Variants in ADAMTS17 observed in about 807,000 individuals in gnomAD.
ADAMTS17 encodes the protein ADAM metallopeptidase with thrombospondin type 1 motif 17.
A neutral mutation model predicts 141.5 loss-of-function variants in ADAMTS17; 113 were observed. The ratio of observed to expected loss-of-function variants is 0.80; its 90% CI spans 0.69 to 0.93. The LOEUF (loss-of-function observed/expected upper bound fraction) is 0.93, where lower values mean the gene tolerates loss of function less well. ADAMTS17 is among the 40% of genes least tolerant of loss of function. The probability of loss-of-function intolerance (pLI) is 0.00; values close to 1 mark genes in which losing one functional copy is unlikely to be tolerated. For synonymous variants in ADAMTS17, 768 were observed against 630.6 expected (o/e 1.22, Z -3.27); for missense variants, 1,659 against 1,517.9 (o/e 1.09, Z -1.54).
Position 100,096,341 on chromosome 15 carries a change from TG to T in ADAMTS17, c.2137+14del. The T allele has an allele frequency of 1.9e-6, 3 of 1,612,986 alleles. No homozygotes were observed. The highest frequency in any genetic ancestry group is 2.5e-6 in the Non-Finnish European group (3 of 1,180,002). On this transcript the variant is annotated intron_variant, in intron 15 of 21. Coordinates refer to ENST00000268070, the MANE Select transcript of ADAMTS17 (RefSeq NM_139057.4). ...AAACACTGTAGCCACAGCAGCCCCA[TG>T]GGCCAACACTCACCTGTCCCCCGGG...
chr15:100,208,808 C>A (rs1319807029), intron 7 of ADAMTS17, among the ~76,000 whole-genome samples: 1 of 151,928 alleles, frequency 6.6e-6, no homozygotes, highest in Admixed American at 6.5e-5. Context: ...GGTCACTGGA[C>A]AATTTAGATA....
intron 11 of ADAMTS17, 74 bp downstream of exon 11, chr15:100,133,140 T>C: frequency 1.5e-6 from 2 of 1,376,210 alleles, no homozygotes; most frequent in South Asian, 2.5e-5. Context: ...GTACAGATTG[T>C]GTGTCAGAAG....
At chr15:100,038,751 C>A (rs2030983911) in intron 18 of ADAMTS17, among the ~76,000 whole-genome samples, 1 of 152,156 alleles carries the variant, frequency 6.6e-6, no homozygotes, top group Non-Finnish European at 1.5e-5. Context: ...AAGATCATGT[C>A]ATTTGTAAAT....
At chr15:100,045,459 A>G (rs529156847) in intron 18 of ADAMTS17, among the ~76,000 whole-genome samples, 1 of 152,278 alleles carries the variant, frequency 6.6e-6, no homozygotes, top group African/African-American at 2.4e-5. Flanking sequence ...GCTGGAATAA[A>G]ACTCCAGGCA....
Position 100,114,242 on chromosome 15 carries a change from G to A in ADAMTS17, c.1888+2605C>T, listed in dbSNP as rs144099012. Among the ~76,000 whole-genome samples the A allele has an allele frequency of 3.7e-3, 562 of 150,332 alleles. 3 individuals carry two copies. The highest frequency in any genetic ancestry group is 0.014 in the Middle Eastern group (4 of 288). On this transcript the variant is annotated intron_variant, in intron 13 of 21. Transcript: ENST00000268070. ...CCTTCTTTTGAACTGTGCGTCACTC[G>A]CCAAAGAATTCCGCAGCGATAGCAC...
chr15:99,997,372 C>T lies in ADAMTS17; in HGVS notation c.2796+13G>A. ...CCTGTGGCTGAGTCCTGGTGGCAAGCCCAGGCACCCACCTGTGACCACTCA... is the reference window on the plus strand; with the variant it reads ...CCTGTGGCTGAGTCCTGGTGGCAAGTCCAGGCACCCACCTGTGACCACTCA... On this transcript the variant is annotated intron_variant, in intron 19 of 21. Coordinates refer to ENST00000268070, the MANE Select transcript of ADAMTS17 (RefSeq NM_139057.4). This position sits in a 1 kb window ranked among gnomAD's most constrained non-coding sequence, Gnocchi z 4.7. 1.9e-6 allele frequency: 3 copies of T among 1,613,554 alleles called. No homozygotes were observed. The highest frequency in any genetic ancestry group is 1.7e-6 in the Non-Finnish European group (2 of 1,179,998).
intron 6 of ADAMTS17, among the ~76,000 whole-genome samples, chr15:100,259,011 T>TGAAAA (rs61623713): frequency 0.28 from 42,123 of 151,846 alleles, 7,510 homozygotes; most frequent in African/African-American, 0.51. Context: ...CTCCACTCAA[T>TGAAAA]GAAACAGCAG....
At chr15:100,234,551 G>A (rs2042594342) in intron 7 of ADAMTS17, among the ~76,000 whole-genome samples, 4 of 152,192 alleles carry the variant, frequency 2.6e-5, no homozygotes, top group East Asian at 1.9e-4. Flanking sequence ...CACAGGGTGC[G>A]CAAAGCTGGG....
At position 100,172,912 on chromosome 15, in the gene ADAMTS17, G is replaced by A. The variant is rs1232767908; in HGVS notation, c.1182-17592C>T. Reference sequence around the variant, plus strand: ...CCGAGGAACAAGTATTTCTAACAAAGGAACAAGCATTCTGTTTCCAACATC... The same window carrying A: ...CCGAGGAACAAGTATTTCTAACAAAAGAACAAGCATTCTGTTTCCAACATC... On this transcript the variant is annotated intron_variant, in intron 8 of 21. Coordinates refer to ENST00000268070, the MANE Select transcript of ADAMTS17 (RefSeq NM_139057.4). 2.6e-5 allele frequency among the ~76,000 whole-genome samples: 4 copies of A among 152,214 alleles called. No individual in the cohort carries two copies. The East Asian group carries it at 5.8e-4, about 22-fold the overall frequency.
rs111450092 is a variant in ADAMTS17 at position 100,330,477 on chromosome 15, G to A, written c.616+412C>T. 1.6e-3 allele frequency among the ~76,000 whole-genome samples: 246 copies of A among 152,224 alleles called. 1 individual carries two copies. Among genetic ancestry groups the A allele is most frequent in the African/African-American group, 5.5e-3 (228 of 41,514 alleles). On this transcript the variant is annotated intron_variant, in intron 3 of 21. Transcript: ENST00000268070. ...GGCCACACTGTAAGAATCGAGAATC[G>A]AATCACAGCTTCAGAGGCGCCCCAG... is the stretch of plus-strand genomic sequence containing the variant.
intron 15 of ADAMTS17, among the ~76,000 whole-genome samples, chr15:100,066,188 G>A (rs922905860): frequency 4.6e-5 from 7 of 152,070 alleles, no homozygotes; most frequent in East Asian, 1.9e-4. Context: ...ATAAACACAC[G>A]TGGGGACATT....
rs115855895 is a variant in ADAMTS17, at chr15:100,328,852, G to C, written c.616+2037C>G. ...GACCATGGACTAGAGTCTGATGAACGGTGGCGTGAGCAGAGAGAACAGTGA... is the reference window on the plus strand; with the variant it reads ...GACCATGGACTAGAGTCTGATGAACCGTGGCGTGAGCAGAGAGAACAGTGA... On this transcript the variant is annotated intron_variant, in intron 3 of 21. Transcript: ENST00000268070. Among the ~76,000 whole-genome samples the C allele has an allele frequency of 7.4e-3, 1,126 of 152,238 alleles. 13 individuals are homozygous for C. Among genetic ancestry groups the C allele is most frequent in the African/African-American group, 0.025 (1,051 of 41,534 alleles).
chr15:100,177,426 T>C (rs1015869777), intron 8 of ADAMTS17, among the ~76,000 whole-genome samples: 2 of 152,244 alleles, frequency 1.3e-5, no homozygotes, highest in East Asian at 3.8e-4. Flanking sequence ...ATGTGTTATT[T>C]AATTTTCAAG....
At chr15:100,007,974 G>T (rs527804633) in intron 18 of ADAMTS17, among the ~76,000 whole-genome samples, 2 of 152,230 alleles carry the variant, frequency 1.3e-5, no homozygotes, top group South Asian at 4.2e-4. Context: ...ATGCAGAGGG[G>T]GTGACCGCCA....
At chr15:99,996,955 A>G (rs978685382) in intron 19 of ADAMTS17, among the ~76,000 whole-genome samples, 14 of 152,188 alleles carry the variant, frequency 9.2e-5, no homozygotes, top group Admixed American at 7.9e-4. Flanking sequence ...TGTAACTCCA[A>G]CTTGCACACT....
At position 99,977,378 on chromosome 15, in the gene ADAMTS17, ATATATATATATATATATATATAAT is replaced by A. The variant is rs1567632245; in HGVS notation, c.2950-1180_2950-1157del. The stretch of plus-strand genomic sequence containing the variant: ...TATATATATATATATATATATATAT[ATATATATATATATATATATATAAT>A]TTTTTTTTTTTTTTTTTTTTTTTTT... On this transcript the variant is annotated intron_variant, in intron 20 of 21. Transcript: ENST00000268070. Among the ~76,000 whole-genome samples, 10 of 21,180 alleles carry A rather than the reference ATATATATATATATATATATATAAT, an allele frequency of 4.7e-4. 2 individuals carry two copies. The highest frequency in any genetic ancestry group is 5.5e-4 in the African/African-American group (2 of 3,658). The allele number at this position is 21,180 out of a possible 152,430, so 13.9% of individuals were successfully genotyped here. A position where few individuals can be genotyped will look rare whatever the true frequency, so the allele number is the denominator to read the frequency against.
intron 19 of ADAMTS17, among the ~76,000 whole-genome samples, chr15:99,995,098 T>C (rs756175469): frequency 6.6e-6 from 1 of 152,146 alleles, no homozygotes; most frequent in Non-Finnish European, 1.5e-5. Context: ...AGGAGGCTGA[T>C]TGCAGTGGAC....
intron 15 of ADAMTS17, 108 bp from the exon 16 acceptor site, chr15:100,054,162 C>T: frequency 1.5e-6 from 2 of 1,300,856 alleles, no homozygotes; most frequent in East Asian, 4.6e-5. Context: ...GTCTCCCTTC[C>T]ACAGGGGGAA....
intron 5 of ADAMTS17, 110 bp downstream of exon 5, chr15:100,262,242 T>G: frequency 1.1e-6 from 1 of 952,236 alleles, no homozygotes; most frequent in East Asian, 2.5e-5. Context: ...CCACAGAGAG[T>G]GACGGAGACT....
Sources: gnomAD v4.1 joint callset for allele counts (sites outside exome capture counted in the v4.1 genomes callset) on GRCh38, gnomAD v4.1.1 for gene constraint, Gnocchi (gnomAD v3.1) non-coding constraint, MANE v1.5 for transcripts, NCBI Gene and HGNC (gene_info 2026-07-23, HGNC 2026-07-21) for gene names.